Variants in NBN observed in about 807,000 individuals in gnomAD.
NBN encodes nibrin, also known as Nijmegen breakage syndrome 1 (nibrin).
In NBN, 88 loss-of-function variants were observed where a neutral mutation model predicts 90.8. The observed-to-expected ratio is 0.97, with a 90% CI of 0.82 to 1.16. NBN has a LOEUF of 1.16. Ranked by LOEUF, NBN falls within the 50% of genes most tolerant of loss-of-function variation. NBN has a pLI of 0.00. For missense variants in NBN, 894 were observed against 869.6 expected (o/e 1.03, Z -0.35); for synonymous variants, 328 against 295.1 (o/e 1.11, Z -1.14).
intron 1 of NBN, 147 bp downstream of exon 1, chr8:89,984,378 T>A: frequency 2.7e-6 from 2 of 752,224 alleles, no homozygotes; most frequent in East Asian, 5.5e-5. Context: ...AATATGCGCT[T>A]GCCATACAGC....
intron 13 of NBN, 51 bp from the exon 14 acceptor site, chr8:89,943,417 A>T: frequency 6.4e-7 from 1 of 1,555,210 alleles, no homozygotes; most frequent in Non-Finnish European, 8.9e-7. Context: ...AACAAAAATG[A>T]CCATTTTTTT....
intron 4 of NBN, among the ~76,000 whole-genome samples, chr8:89,979,912 ATATCT>A (rs1811975101): frequency 6.6e-6 from 1 of 152,226 alleles, no homozygotes; most frequent in African/African-American, 2.4e-5. Flanking sequence ...TTCTTAAGTA[ATATCT>A]TAAAGAGGAC....
chr8:89,973,049 T>C (rs1361154125), intron 5 of NBN, among the ~76,000 whole-genome samples: 1 of 152,224 alleles, frequency 6.6e-6, no homozygotes, highest in African/African-American at 2.4e-5. Context: ...CATATGTGTA[T>C]GGTAGCCTGT....
At chr8:89,956,730 T>C (rs1810733819) in intron 9 of NBN, among the ~76,000 whole-genome samples, 1 of 152,242 alleles carries the variant, frequency 6.6e-6, no homozygotes, top group Non-Finnish European at 1.5e-5. Context: ...CTACAGCCTG[T>C]AGGCCAAATC....
chr8:89,943,474 G>A lies in NBN; in HGVS notation c.2071-108C>T, dbSNP rs1810047539. 3.5e-6 allele frequency: 4 copies of A among 1,138,296 alleles called. No homozygotes were observed. In the Admixed American group the frequency reaches 5.7e-5, roughly 16 times the overall value. 70.5% of individuals were successfully genotyped at this position (1,138,296 alleles called of 1,614,324 possible). ...TGGTAAATCATGCATAAGTGCCAAA[G>A]ATGTTTATATTCTACAAATAAAAGT... On this transcript the variant is annotated intron_variant, in intron 13 of 15. Coordinates refer to ENST00000265433, the MANE Select transcript of NBN (RefSeq NM_002485.5).
intron 5 of NBN, among the ~76,000 whole-genome samples, chr8:89,974,421 G>A (rs963270634): frequency 6.6e-6 from 1 of 152,044 alleles, no homozygotes; most frequent in Non-Finnish European, 1.5e-5. Context: ...TTCCTAAACT[G>A]TCAAACTTTC....
chr8:89,940,069 CTTTAATT>C (rs1208607888), intron 14 of NBN, among the ~76,000 whole-genome samples: 1 of 151,898 alleles, frequency 6.6e-6, no homozygotes, highest in Non-Finnish European at 1.5e-5. Flanking sequence ...GAATTCTGTT[CTTTAATT>C]TTTATTTTAT....
At chr8:89,945,183 C>T (rs1400514193) in intron 13 of NBN, among the ~76,000 whole-genome samples, 1 of 152,036 alleles carries the variant, frequency 6.6e-6, no homozygotes. Context: ...TCTTATAACA[C>T]AATATTAAAC....
chr8:89,956,962 C>A (rs1289151047), intron 9 of NBN, among the ~76,000 whole-genome samples: 1 of 152,064 alleles, frequency 6.6e-6, no homozygotes, highest in Non-Finnish European at 1.5e-5. Flanking sequence ...ACCTATGCTG[C>A]CAATTGTATA....
At chr8:89,980,682 G>A in intron 4 of NBN, 52 bp downstream of exon 4, 1 of 1,496,572 alleles carries the variant, frequency 6.7e-7, no homozygotes, top group Non-Finnish European at 9.3e-7. Flanking sequence ...TAGTGGGTAA[G>A]CTTAAATTCA....
In NBN at chr8:89,981,542, ATTTAAAGTC is replaced by A. The variant is rs774151023; in HGVS notation, c.172-28_172-20del. The A allele has an allele frequency of 3.1e-6, 5 of 1,611,610 alleles. No homozygotes were observed. Among genetic ancestry groups the A allele is most frequent in the Admixed American group, 3.3e-5 (2 of 59,974 alleles). On this transcript the variant is annotated intron_variant, in intron 2 of 15. Transcript: ENST00000265433. ...TTTGACTCTGAAAAGTTAGCAAATA[ATTTAAAGTC>A]TTTTACCACTCAGTACATTCACTTC...
Position 89,953,600 on chromosome 8 carries a change from T to G in NBN, c.1489A>C (p.Thr497Pro). The change falls in exon 11 of 16, where the codon ACA becomes CCA. Residue 497 changes from threonine to proline, a missense_variant. By Grantham distance (38) the Thr-to-Pro change is conservative (BLOSUM62 -1). Coordinates refer to ENST00000265433, the MANE Select transcript of NBN (RefSeq NM_002485.5). Reference protein sequence around the residue: ...CSLLEQTQPATPSLWKNKEQH... With the variant: ...CSLLEQTQPAPPSLWKNKEQH... ...TCCTTATTTTTCCACAATGAGGGTG[T>G]AGCAGGTTGTGTTTGTTCTAAAAGA... 1 of 1,613,508 alleles carries G rather than the reference T, an allele frequency of 6.2e-7. No homozygotes were observed. The highest frequency in any genetic ancestry group is 8.5e-7 in the Non-Finnish European group (1 of 1,179,610).
At chr8:89,947,717 A>G in intron 12 of NBN, 107 bp downstream of exon 12, 2 of 673,530 alleles carry the variant, frequency 3.0e-6, no homozygotes, top group Non-Finnish European at 5.5e-6. Context: ...GAAGTAAGCC[A>G]TAATTAGGAA....
chr8:89,984,410 G>T, intron 1 of NBN, 115 bp downstream of exon 1: 1 of 987,544 alleles, frequency 1.0e-6, no homozygotes, highest in Non-Finnish European at 1.6e-6. Context: ...TTCTGCGACC[G>T]CTTCCGCAGC....
intron 5 of NBN, among the ~76,000 whole-genome samples, chr8:89,977,917 T>C (rs1199338283): frequency 6.6e-6 from 1 of 152,262 alleles, no homozygotes; most frequent in Non-Finnish European, 1.5e-5. Context: ...GCGTGATGCC[T>C]GGAACTGACA....
chr8:89,976,396 T>A (rs1031141101), intron 5 of NBN, among the ~76,000 whole-genome samples: 3 of 152,202 alleles, frequency 2.0e-5, no homozygotes, highest in African/African-American at 7.2e-5. Context: ...AGCAGCCAGA[T>A]TCTTTTATAC....
chr8:89,937,493 C>G (rs950524790), intron 14 of NBN: 1 of 199,568 alleles, frequency 5.0e-6, no homozygotes, highest in African/African-American at 2.4e-5. Flanking sequence ...GTTCTTGGTC[C>G]CACATCAGGG....
intron 15 of NBN, among the ~76,000 whole-genome samples, chr8:89,936,390 G>A (rs1360554068): frequency 2.0e-5 from 3 of 152,000 alleles, no homozygotes; most frequent in Non-Finnish European, 4.4e-5. Context: ...AATTTATACT[G>A]TCAGTTATGA....
intron 13 of NBN, among the ~76,000 whole-genome samples, chr8:89,944,000 T>C (rs894375881): frequency 5.0e-4 from 76 of 152,206 alleles, no homozygotes; most frequent in African/African-American, 1.8e-3. Flanking sequence ...AATTCCAATA[T>C]ATGAAGTAGA....
Sources: gnomAD v4.1 joint callset for allele counts (sites outside exome capture counted in the v4.1 genomes callset) on GRCh38, gnomAD v4.1.1 for gene constraint, MANE v1.5 for transcripts, NCBI Gene and HGNC (gene_info 2026-07-23, HGNC 2026-07-21) for gene names.